Variants in ROBO2 observed in about 807,000 individuals in gnomAD.
ROBO2 encodes the protein roundabout guidance receptor 2, also known as roundabout homolog 2.
ROBO2 carries 53 observed loss-of-function variants against 160.8 expected under a neutral mutation model. The observed-to-expected ratio is 0.33, with a 90% CI of 0.26 to 0.41. The LOEUF is 0.41. Ranked by LOEUF, ROBO2 falls within the 10% of genes least tolerant of loss-of-function variation. ROBO2 has a pLI of 1.00. For synonymous variants in ROBO2, 664 were observed against 611.7 expected (o/e 1.09, Z -1.26); for missense variants, 1,577 against 1,722.4 (o/e 0.92, Z 1.49).
chr3:75,963,779 T>C (rs1445121610), intron 2 of ROBO2, among the ~76,000 whole-genome samples: 1 of 151,726 alleles, frequency 6.6e-6, no homozygotes, highest in East Asian at 2.0e-4. Flanking sequence ...GTTTTAGGCC[T>C]CCCTTCTTGG....
chr3:76,322,850 C>T (rs1417951367), intron 2 of ROBO2, among the ~76,000 whole-genome samples: 2 of 152,048 alleles, frequency 1.3e-5, no homozygotes, highest in Non-Finnish European at 2.9e-5. Context: ...CATTTAAAGG[C>T]AATTAAAATA....
At chr3:77,648,170 A>G (rs1034408453) in exon 26 of ROBO2, 1 of 152,102 alleles carries the variant, frequency 6.6e-6, no homozygotes, top group Non-Finnish European at 1.5e-5. Flanking sequence ...CTTATTCACA[A>G]CTCTAGGATG....
At chr3:77,075,986 A>T (rs1578754309) in intron 1 of ROBO2, among the ~76,000 whole-genome samples, 2 of 151,770 alleles carry the variant, frequency 1.3e-5, no homozygotes, top group South Asian at 4.1e-4. Flanking sequence ...CTTACATACT[A>T]CATACATACT....
chr3:76,757,139 T>G (rs1027577045), intron 2 of ROBO2, among the ~76,000 whole-genome samples: 2 of 151,826 alleles, frequency 1.3e-5, no homozygotes, highest in Admixed American at 1.3e-4. Flanking sequence ...AAGATAGATA[T>G]GAATAATTAT....
At chr3:76,168,644 G>C (rs2072923024) in intron 2 of ROBO2, among the ~76,000 whole-genome samples, 1 of 152,054 alleles carries the variant, frequency 6.6e-6, no homozygotes, top group African/African-American at 2.4e-5. Flanking sequence ...GCAGTACCTT[G>C]AGAGGTTAAT....
chr3:76,620,402 A>G (rs1021563012), intron 2 of ROBO2, among the ~76,000 whole-genome samples: 2 of 152,206 alleles, frequency 1.3e-5, no homozygotes, highest in Non-Finnish European at 2.9e-5. Context: ...ATTCGTAAAT[A>G]AAAGGTTTAT....
chr3:76,641,163 A>G (rs1003744104), intron 2 of ROBO2, among the ~76,000 whole-genome samples: 9 of 152,220 alleles, frequency 5.9e-5, no homozygotes, highest in African/African-American at 1.9e-4. Flanking sequence ...CTGAAGAGAA[A>G]CAGGATACAG....
At chr3:76,808,994 G>A (rs995400837) in intron 2 of ROBO2, among the ~76,000 whole-genome samples, 9 of 152,086 alleles carry the variant, frequency 5.9e-5, no homozygotes, top group Non-Finnish European at 1.2e-4. Context: ...AGAGTAGATC[G>A]TCTACGCATC....
intron 2 of ROBO2, among the ~76,000 whole-genome samples, chr3:76,747,269 A>G (rs1043257733): frequency 6.6e-6 from 1 of 152,150 alleles, no homozygotes; most frequent in African/African-American, 2.4e-5. Flanking sequence ...AGAGCAGTGT[A>G]CGCAAAATTT....
chr3:76,619,678 A>G (rs944066838), intron 2 of ROBO2, among the ~76,000 whole-genome samples: 1 of 152,216 alleles, frequency 6.6e-6, no homozygotes, highest in Admixed American at 6.5e-5. Flanking sequence ...ACACATCATT[A>G]GACAGGAGTT....
chr3:75,960,587 A>C (rs1948875067), intron 2 of ROBO2, among the ~76,000 whole-genome samples: 1 of 151,856 alleles, frequency 6.6e-6, no homozygotes, highest in Admixed American at 6.6e-5. Context: ...GATTAAGCTA[A>C]TAAGGTGGCT....
At chr3:76,220,504 G>T (rs540758765) in intron 2 of ROBO2, among the ~76,000 whole-genome samples, 1 of 151,986 alleles carries the variant, frequency 6.6e-6, no homozygotes, top group South Asian at 2.1e-4. Flanking sequence ...CTGCCCTTCC[G>T]CCTTGTGACG....
intron 2 of ROBO2, among the ~76,000 whole-genome samples, chr3:76,620,104 A>G (rs2109234837): frequency 6.6e-6 from 1 of 152,328 alleles, no homozygotes; most frequent in Middle Eastern, 3.4e-3. Context: ...AAATGAAACA[A>G]AAGAAATAAC....
intron 2 of ROBO2, among the ~76,000 whole-genome samples, chr3:76,447,141 A>C (rs1242593275): frequency 2.6e-5 from 4 of 152,248 alleles, no homozygotes; most frequent in Non-Finnish European, 4.4e-5. Context: ...CAATCTACTC[A>C]TCTGACAAAG....
intron 2 of ROBO2, among the ~76,000 whole-genome samples, chr3:76,489,393 T>C (rs755212781): frequency 6.6e-6 from 1 of 152,108 alleles, no homozygotes; most frequent in Non-Finnish European, 1.5e-5. Flanking sequence ...CTGATCCCAA[T>C]AGCCTGAGCA....
At chr3:76,930,218 G>T (rs1187388069) in intron 2 of ROBO2, among the ~76,000 whole-genome samples, 3 of 151,840 alleles carry the variant, frequency 2.0e-5, no homozygotes, top group Non-Finnish European at 4.4e-5. Context: ...TAAATGCCAG[G>T]CTGGTCTCGA....
chr3:77,622,609 G>T (rs2094925432), intron 23 of ROBO2, among the ~76,000 whole-genome samples, 177 bp downstream of exon 24: 1 of 152,132 alleles, frequency 6.6e-6, no homozygotes, highest in Non-Finnish European at 1.5e-5. Flanking sequence ...TTGCTTTGCT[G>T]CAAAAATGAT....
At chr3:76,483,301 A>G (rs1391427270) in intron 2 of ROBO2, among the ~76,000 whole-genome samples, 1 of 130,890 alleles carries the variant, frequency 7.6e-6, no homozygotes, top group African/African-American at 2.8e-5. Context: ...TAACATGTTA[A>G]CTGTCATTAT....
chr3:77,313,632 C>T (rs1030068809), intron 2 of ROBO2, among the ~76,000 whole-genome samples: 1 of 152,128 alleles, frequency 6.6e-6, no homozygotes. Context: ...GTTGCCCAGG[C>T]TGGAGTGCAT....
Sources: gnomAD v4.1 joint callset for allele counts (sites outside exome capture counted in the v4.1 genomes callset) on GRCh38, gnomAD v4.1.1 for gene constraint, MANE v1.5 for transcripts, NCBI Gene and HGNC (gene_info 2026-07-23, HGNC 2026-07-21) for gene names.